DCP2: variants seen among roughly 807,000 people sequenced by gnomAD.
DCP2 encodes m7GpppN-mRNA hydrolase.
DCP2 carries 30 observed loss-of-function variants against 56.1 expected under a neutral mutation model. The ratio of observed to expected loss-of-function variants is 0.53; its 90% CI spans 0.40 to 0.73. DCP2 has a LOEUF of 0.73. DCP2 is among the 30% of genes least tolerant of loss of function. The pLI, the probability that DCP2 is intolerant of heterozygous loss-of-function variation, is 0.00. For synonymous variants in DCP2, 197 were observed against 163.3 expected (o/e 1.21, Z -1.57); for missense variants, 533 against 502.7 (o/e 1.06, Z -0.58).
intron 4 of DCP2, among the ~76,000 whole-genome samples, chr5:113,000,485 G>T (rs750686505): frequency 6.6e-6 from 1 of 152,010 alleles, no homozygotes; most frequent in Non-Finnish European, 1.5e-5. Context: ...TTTGAAGACA[G>T]TTGCACATAT....
chr5:112,997,594 A>ACTTTTT (rs550427217), intron 4 of DCP2, among the ~76,000 whole-genome samples: 102 of 149,126 alleles, frequency 6.8e-4, no homozygotes, highest in Middle Eastern at 3.6e-3. Context: ...TTTGGGTTAC[A>ACTTTTT]CTTTTTCTTT....
chr5:112,993,190 C>T (rs916771105), intron 4 of DCP2, among the ~76,000 whole-genome samples: 87 of 152,260 alleles, frequency 5.7e-4, no homozygotes, highest in African/African-American at 2.0e-3. Flanking sequence ...CTTTCCACTG[C>T]CTATAGGATA....
intron 8 of DCP2, among the ~76,000 whole-genome samples, chr5:113,005,151 G>GGTGTGTGTGTGTGGGT (rs1554101207): frequency 6.7e-6 from 1 of 149,420 alleles, no homozygotes; most frequent in Non-Finnish European, 1.5e-5. Flanking sequence ...TGTGCGTGTG[G>GGTGTGTGTGTGTGGGT]GTGTGTGTGT....
rs1351667792 is a variant in DCP2 at position 113,010,748 on chromosome 5, TTA to T, written c.1048-7_1048-6del. The T allele has an allele frequency of 6.4e-7, 1 of 1,562,470 alleles. No individual in the cohort carries two copies. Among genetic ancestry groups the T allele is most frequent in the Admixed American group, 2.0e-5 (1 of 50,030 alleles). ...GTGTGTGTGTGTGTTTTTTTTTTTT[TTA>T]AATAGAAGTGTGAAAAGAAACTTCA... is the stretch of plus-strand genomic sequence containing the variant. On this transcript the variant is annotated splice_region_variant and splice_polypyrimidine_tract_variant and intron_variant, in intron 9 of 10. Coordinates refer to ENST00000389063, the MANE Select transcript of DCP2 (RefSeq NM_152624.6).
chr5:113,016,839 G>A lies in DCP2; in HGVS notation c.*3355G>A, dbSNP rs1396056924. On this transcript the variant is annotated 3_prime_UTR_variant, in exon 11 of 11. Transcript: ENST00000389063. ...GTTTTCTTACCACAATACCCTCTTG[G>A]CTTTTTTTTTTTTTTTTTTGAGATG... 1 of 107,236 alleles carries A rather than the reference G, an allele frequency of 9.3e-6. No individual in the cohort carries two copies. Among genetic ancestry groups the A allele is most frequent in the Non-Finnish European group, 1.9e-5 (1 of 53,178 alleles). The allele number at this position is 107,236 out of a possible 1,614,324, so 6.6% of individuals were successfully genotyped here.
At chr5:112,999,800 C>G (rs1055737930) in intron 4 of DCP2, among the ~76,000 whole-genome samples, 1 of 151,526 alleles carries the variant, frequency 6.6e-6, no homozygotes, top group African/African-American at 2.4e-5. Flanking sequence ...GTGGCTCATA[C>G]CTATAATCCT....
At chr5:112,996,387 T>C (rs187048311) in intron 4 of DCP2, among the ~76,000 whole-genome samples, 2 of 152,254 alleles carry the variant, frequency 1.3e-5, no homozygotes, top group Non-Finnish European at 2.9e-5. Flanking sequence ...CTGATTAGAC[T>C]TAGGCTGATG....
At chr5:112,995,471 A>C (rs1748804954) in intron 4 of DCP2, among the ~76,000 whole-genome samples, 1 of 152,222 alleles carries the variant, frequency 6.6e-6, no homozygotes, top group Non-Finnish European at 1.5e-5. Flanking sequence ...GTCTAACGGC[A>C]GTAAGGTGGT....
chr5:112,992,769 AG>A lies in DCP2; in HGVS notation c.432+1del. 1 of 1,565,258 alleles carries A rather than the reference AG, an allele frequency of 6.4e-7. No individual in the cohort carries two copies. The highest frequency in any genetic ancestry group is 8.6e-7 in the Non-Finnish European group (1 of 1,166,670). ...GCTCCTCATGATTGTGCTGCTAGAG[AG>A]GTAAGTTATTCCATTTTGATACACA... ...EEAPHDCAAREVFEETGFDIK... is the reference protein window; with the variant it reads ...EEAPHDCAARXVFEETGFDIK... On this transcript the variant is annotated frameshift_variant and splice_region_variant, in exon 4 of 11. Coordinates refer to ENST00000389063, the MANE Select transcript of DCP2 (RefSeq NM_152624.6). LOFTEE classifies it high-confidence loss of function.
chr5:113,020,568 A>G lies in DCP2; in HGVS notation c.*7084A>G, dbSNP rs150737605. On this transcript the variant is annotated 3_prime_UTR_variant, in exon 11 of 11. Coordinates refer to ENST00000389063, the MANE Select transcript of DCP2 (RefSeq NM_152624.6). The stretch of plus-strand genomic sequence containing the variant: ...TTTATGTTGTTGTAGTTGAACAGCA[A>G]CTGTTTTTTTCCCTCAGTGTTAACG... 1 of 152,326 alleles carries G rather than the reference A, an allele frequency of 6.6e-6. No individual in the cohort carries two copies. Among genetic ancestry groups the G allele is most frequent in the Non-Finnish European group, 1.5e-5 (1 of 68,010 alleles). 9.4% of individuals were successfully genotyped at this position (152,326 alleles called of 1,614,324 possible).
At chr5:113,009,211 A>G (rs1311536521) in intron 9 of DCP2, among the ~76,000 whole-genome samples, 1 of 152,254 alleles carries the variant, frequency 6.6e-6, no homozygotes, top group Non-Finnish European at 1.5e-5. Flanking sequence ...TACATTTAAT[A>G]TGATACCAAT....
At chr5:112,998,644 T>C (rs978816208) in intron 4 of DCP2, among the ~76,000 whole-genome samples, 4 of 152,202 alleles carry the variant, frequency 2.6e-5, no homozygotes, top group African/African-American at 4.8e-5. Context: ...AAAAATTACA[T>C]TGAGGATGAG....
intron 4 of DCP2, among the ~76,000 whole-genome samples, chr5:112,998,864 A>C (rs1029412555): frequency 5.9e-5 from 9 of 152,214 alleles, no homozygotes; most frequent in African/African-American, 1.2e-4. Context: ...TAGGGCAATC[A>C]CAGTGAAATT....
chr5:113,010,885 A>G, intron 10 of DCP2, 78 bp downstream of exon 10: 1 of 1,433,536 alleles, frequency 7.0e-7, no homozygotes, highest in Non-Finnish European at 9.5e-7. Flanking sequence ...TTTTAGTGGG[A>G]GTATGTGATC....
chr5:112,981,475 CT>C (rs1455717903), intron 1 of DCP2, among the ~76,000 whole-genome samples: 2 of 152,058 alleles, frequency 1.3e-5, no homozygotes, highest in African/African-American at 2.4e-5. Context: ...TATTTATATT[CT>C]ATTTTGTAAA....
chr5:113,010,906 A>AACTATCAC, intron 10 of DCP2, 99 bp downstream of exon 10: 1 of 1,269,914 alleles, frequency 7.9e-7, no homozygotes, highest in Admixed American at 2.5e-5. Context: ...TGTGATAGTT[A>AACTATCAC]AGCAGGAAGA....
rs1382182801 is a variant in DCP2, at chr5:113,009,770, CTA to C, written c.1048-984_1048-983del. Reference sequence around the variant, plus strand: ...TCACATTATATTCTATTTTTAAAGACTATCAGACACTAGTACATATGATATAA... The same window carrying C: ...TCACATTATATTCTATTTTTAAAGACTCAGACACTAGTACATATGATATAA... On this transcript the variant is annotated intron_variant, in intron 9 of 10. Coordinates refer to ENST00000389063, the MANE Select transcript of DCP2 (RefSeq NM_152624.6). Among the ~76,000 whole-genome samples, 3 of 152,246 alleles carry C rather than the reference CTA, an allele frequency of 2.0e-5. No individual in the cohort carries two copies. In the East Asian group the frequency reaches 5.8e-4, roughly 29 times the overall value.
In DCP2 at chr5:113,005,151, G is replaced by GGGGTGTGGGTGT. The variant is rs140772660; in HGVS notation, c.942+1075_942+1076insGGTGTGGGTGTG. ...TCTCAAAAAAAAAAGTGTGCGTGTG[G>GGGGTGTGGGTGT]GTGTGTGTGTGTGTGTGTAAACTGG... On this transcript the variant is annotated intron_variant, in intron 8 of 10. Transcript: ENST00000389063. Among the ~76,000 whole-genome samples, 83 of 149,524 alleles carry GGGGTGTGGGTGT rather than the reference G, an allele frequency of 5.6e-4. 1 individual carries two copies. The South Asian group carries it at 0.017, about 31-fold the overall frequency.
rs1386756533 is a variant in DCP2 at position 112,994,491 on chromosome 5, C to G, written c.432+1721C>G. ...CCAGCCTTCATTCTTACTTAAAATT[C>G]TATTTTAAAATCTTACCAGTCAGCT... On this transcript the variant is annotated intron_variant, in intron 4 of 10. Coordinates refer to ENST00000389063, the MANE Select transcript of DCP2 (RefSeq NM_152624.6). Among the ~76,000 whole-genome samples, 4 of 152,098 alleles carry G rather than the reference C, an allele frequency of 2.6e-5. No individual in the cohort carries two copies. The South Asian group carries it at 6.2e-4, about 24-fold the overall frequency.
Sources: gnomAD v4.1 joint callset for allele counts (sites outside exome capture counted in the v4.1 genomes callset) on GRCh38, gnomAD v4.1.1 for gene constraint, MANE v1.5 for transcripts, NCBI Gene and HGNC (gene_info 2026-07-23, HGNC 2026-07-21) for gene names.